The following ZNF549 variants were observed in gnomAD, a reference collection of about 807,000 sequenced individuals.
ZNF549 encodes the protein zinc finger protein 549.
A neutral mutation model predicts 11.1 loss-of-function variants in ZNF549; 11 were observed. The observed-to-expected ratio is 0.99, with a 90% CI of 0.62 to 1.64. The LOEUF is 1.64. ZNF549 is among the 40% of genes most tolerant of loss of function. ZNF549 has a pLI of 0.00. For synonymous variants in ZNF549, 266 were observed against 269.1 expected, an observed-to-expected ratio of 0.99 and a Z score of 0.11; for missense variants, 748 against 765.1, an observed-to-expected ratio of 0.98 and a Z score of 0.26.
Position 57,527,383 on chromosome 19 carries a change from G to A in ZNF549, c.-191G>A. 1.3e-6 allele frequency: 1 copy of A among 750,268 alleles called. No individual in the cohort carries two copies. The highest frequency in any genetic ancestry group is 2.2e-6 in the Non-Finnish European group (1 of 454,362). The allele number at this position is 750,268 out of a possible 1,614,324, so 46.5% of individuals were successfully genotyped here. ...TTTTGCTGCCTGCGAGCGCGTCCGC[G>A]GGCTGGGCGTTTCCGGCTCGCTGGG... is the stretch of plus-strand genomic sequence containing the variant. On this transcript the variant is annotated 5_prime_UTR_variant, in exon 1 of 4. Coordinates refer to ENST00000376233, the MANE Select transcript of ZNF549 (RefSeq NM_001199295.2).
intron 2 of ZNF549, among the ~76,000 whole-genome samples, chr19:57,531,341 A>G (rs1429202034): frequency 2.0e-5 from 3 of 152,250 alleles, no homozygotes; most frequent in African/African-American, 7.2e-5. Flanking sequence ...AGGCGCCAGC[A>G]TGTCCAAATG....
At chr19:57,529,801 G>A (rs2089895976) in intron 1 of ZNF549, among the ~76,000 whole-genome samples, 1 of 152,138 alleles carries the variant, frequency 6.6e-6, no homozygotes, top group African/African-American at 2.4e-5. Context: ...CAGGAGAATG[G>A]TGTGAAGCTG....
chr19:57,529,337 T>C (rs1362454233), intron 1 of ZNF549, among the ~76,000 whole-genome samples: 1 of 152,196 alleles, frequency 6.6e-6, no homozygotes, highest in African/African-American at 2.4e-5. Context: ...CTAGACTACA[T>C]ACCTGTAATA....
chr19:57,538,850 G>A lies in ZNF549; in HGVS notation c.1846G>A (p.Gly616Ser), dbSNP rs775658330. 7.4e-6 allele frequency: 12 copies of A among 1,613,142 alleles called. No individual in the cohort carries two copies. The highest frequency in any genetic ancestry group is 3.3e-5 in the Admixed American group (2 of 60,018). Reference sequence around the variant, plus strand: ...CACCGGAGAAAAGCCGTATGAATGTGGTAAATGTGGGAAAGCCTTCAACAA... The same window carrying A: ...CACCGGAGAAAAGCCGTATGAATGTAGTAAATGTGGGAAAGCCTTCAACAA... ...IHTGEKPYECGKCGKAFNKRY... is the reference protein window; with the variant it reads ...IHTGEKPYECSKCGKAFNKRY... Residue 616 changes from glycine (G) to serine (S), a missense_variant, in exon 4 of 4, where the codon GGT becomes AGT. By Grantham distance (56) the Gly-to-Ser change is moderately conservative (BLOSUM62 0). Coordinates refer to ENST00000376233, the MANE Select transcript of ZNF549 (RefSeq NM_001199295.2).
chr19:57,531,102 A>G lies in ZNF549; in HGVS notation c.66A>G (p.Pro22=). The G allele has an allele frequency of 1.1e-5, 18 of 1,598,380 alleles. No individual in the cohort carries two copies. The highest frequency in any genetic ancestry group is 1.5e-5 in the Non-Finnish European group (18 of 1,179,788). ...TGGTAACAGAAGAGTTTGTGAAACC[A>G]TCACAGGTAAGTGGAAGAAGTCCCA... The part of the protein sequence containing the change: ...IPMVTEEFVK[P]SQGHVTFEDI... The change falls in exon 2 of 4, where the codon CCA becomes CCG. Residue 22 remains proline (P), a synonymous_variant. Coordinates refer to ENST00000376233, the MANE Select transcript of ZNF549 (RefSeq NM_001199295.2).
At chr19:57,537,079 GCAAGACCCTATCT>G in intron 3 of ZNF549, 112 bp from the exon 4 acceptor site, 4 of 1,143,206 alleles carry the variant, frequency 3.5e-6, no homozygotes, top group Non-Finnish European at 4.9e-6. Flanking sequence ...GGGTGACAGA[GCAAGACCCTATCT>G]CAAAGAAAAA....
At chr19:57,531,016 CT>C (rs2089901690) in intron 1 of ZNF549, 53 bp from the exon 2 acceptor site, 1 of 1,575,128 alleles carries the variant, frequency 6.3e-7, no homozygotes, top group South Asian at 1.1e-5. Context: ...GCAACTTACC[CT>C]TTGTAAATGC....
chr19:57,532,131 C>T (rs1283184723), intron 2 of ZNF549, among the ~76,000 whole-genome samples: 1 of 152,120 alleles, frequency 6.6e-6, no homozygotes, highest in Non-Finnish European at 1.5e-5. Flanking sequence ...TTGGGATTTG[C>T]CAGCTCTCTT....
rs1466113763 is a variant in ZNF549, at chr19:57,538,610, A to G, written c.1606A>G (p.Lys536Glu). 1.9e-6 allele frequency: 3 copies of G among 1,614,080 alleles called. No individual in the cohort carries two copies. Among genetic ancestry groups the G allele is most frequent in the Admixed American group, 1.7e-5 (1 of 60,008 alleles). Reference protein sequence around the residue: ...EQLCECNECGKVFSHQKRLLE... With the variant: ...EQLCECNECGEVFSHQKRLLE... ...ACTTTGTGAGTGCAATGAATGTGGAAAAGTCTTCAGCCACCAAAAAAGACT... is the reference window on the plus strand; with the variant it reads ...ACTTTGTGAGTGCAATGAATGTGGAGAAGTCTTCAGCCACCAAAAAAGACT... The change falls in exon 4 of 4, where the codon AAA (lysine) becomes GAA (glutamate). Residue 536 changes from lysine (K) to glutamate (E), a missense_variant. By Grantham distance (56) the Lys-to-Glu change is moderately conservative (BLOSUM62 1). Transcript: ENST00000376233.
chr19:57,533,358 T>C (rs1447475478), intron 2 of ZNF549, among the ~76,000 whole-genome samples: 1 of 152,212 alleles, frequency 6.6e-6, no homozygotes, highest in Non-Finnish European at 1.5e-5. Flanking sequence ...TGGGTTGTAG[T>C]TGGTTATTTC....
chr19:57,536,051 C>T (rs79588559), intron 3 of ZNF549, among the ~76,000 whole-genome samples: 2,033 of 152,274 alleles, frequency 0.013, 52 homozygotes, highest in African/African-American at 0.046. Flanking sequence ...TCTCTGCCTG[C>T]TTGACAATTT....
chr19:57,527,734 T>C (rs1399823079), intron 1 of ZNF549, 128 bp downstream of exon 1: 1 of 1,147,526 alleles, frequency 8.7e-7, no homozygotes, highest in Non-Finnish European at 1.3e-6. Context: ...TCCTCAGAGC[T>C]GACGGGCGGT....
At chr19:57,533,895 C>T (rs563756792) in intron 2 of ZNF549, among the ~76,000 whole-genome samples, 1 of 152,224 alleles carries the variant, frequency 6.6e-6, no homozygotes, top group East Asian at 1.9e-4. Flanking sequence ...TGGCCACTTC[C>T]AAGCTCCTTA....
intron 1 of ZNF549, among the ~76,000 whole-genome samples, chr19:57,530,533 G>A (rs946274187): frequency 7.2e-5 from 11 of 152,172 alleles, no homozygotes; most frequent in African/African-American, 2.7e-4. Context: ...GTAGCCAAGT[G>A]GAGAAAATTA....
rs374668120 is a variant in ZNF549, at chr19:57,538,843, T to C, written c.1839T>C (p.Tyr613=). The part of the protein sequence containing the change: ...HQRIHTGEKP[Y]ECGKCGKAFN... ...GAATCCACACCGGAGAAAAGCCGTA[T>C]GAATGTGGTAAATGTGGGAAAGCCT... Residue 613 remains tyrosine, a synonymous_variant, in exon 4 of 4, where the codon TAT becomes TAC. Coordinates refer to ENST00000376233, the MANE Select transcript of ZNF549 (RefSeq NM_001199295.2). 1 of 1,613,754 alleles carries C rather than the reference T, an allele frequency of 6.2e-7. No individual in the cohort carries two copies. Among genetic ancestry groups the C allele is most frequent in the Non-Finnish European group, 8.5e-7 (1 of 1,180,046 alleles).
chr19:57,533,820 T>C (rs890531952), intron 2 of ZNF549, among the ~76,000 whole-genome samples: 4 of 152,256 alleles, frequency 2.6e-5, no homozygotes, highest in Admixed American at 1.3e-4. Flanking sequence ...TTATCTTTCC[T>C]GTGTGGATCC....
Position 57,539,347 on chromosome 19 carries a change from GT to G in ZNF549, c.*434del, listed in dbSNP as rs571365765. On this transcript the variant is annotated 3_prime_UTR_variant, in exon 4 of 4. Transcript: ENST00000376233. ...CCATGGAGGTTTACCTTCTTCATAG[GT>G]TTTTTTTTTTTTTATGTGATTGCCA... The G allele has an allele frequency of 0.033, 4,867 of 147,056 alleles. 179 individuals are homozygous for G. The highest frequency in any genetic ancestry group is 0.1 in the African/African-American group (3,956 of 39,394). 9.1% of individuals were successfully genotyped at this position (147,056 alleles called of 1,614,324 possible).
chr19:57,528,761 A>G (rs986525718), intron 1 of ZNF549, among the ~76,000 whole-genome samples: 4 of 152,260 alleles, frequency 2.6e-5, no homozygotes, highest in African/African-American at 9.6e-5. Flanking sequence ...CAGCAAGAGC[A>G]GCTCTCCCAG....
rs149291938 is a variant in ZNF549, at chr19:57,537,249, C to G, written c.245C>G (p.Thr82Ser). The change falls in exon 4 of 4, where the codon ACT becomes AGT. Residue 82 changes from threonine to serine, a missense_variant. Physicochemically the swap from Thr to Ser is moderately conservative, Grantham distance 58. Coordinates refer to ENST00000376233, the MANE Select transcript of ZNF549 (RefSeq NM_001199295.2). ...GCTGAGGAGGCCCCTTCTGAGCAGA[C>G]TCTTTCTGCGCAAGGAGTGTCACAG... ...IEAEEAPSEQ[T>S]LSAQGVSQAR... 6.8e-6 allele frequency: 11 copies of G among 1,614,170 alleles called. No individual in the cohort carries two copies. In the African/African-American group the frequency reaches 1.5e-4, roughly 22 times the overall value.
Sources: gnomAD v4.1 joint callset for allele counts (sites outside exome capture counted in the v4.1 genomes callset) on GRCh38, gnomAD v4.1.1 for gene constraint, MANE v1.5 for transcripts, NCBI Gene and HGNC (gene_info 2026-07-23, HGNC 2026-07-21) for gene names.